The following TGFA variants were observed in gnomAD, a reference collection of about 807,000 sequenced individuals.
TGFA encodes the protein protransforming growth factor alpha.
In TGFA, 12 loss-of-function variants were observed where a neutral mutation model predicts 21.7. The ratio of observed to expected loss-of-function variants is 0.55; its 90% CI spans 0.35 to 0.90. The LOEUF (loss-of-function observed/expected upper bound fraction) is 0.90, where lower values mean the gene tolerates loss of function less well. Ranked by LOEUF, TGFA falls within the 40% of genes least tolerant of loss-of-function variation. The probability of loss-of-function intolerance (pLI) is 0.01; values close to 1 mark genes in which losing one functional copy is unlikely to be tolerated. For missense variants in TGFA, 178 were observed against 210.8 expected (o/e 0.84, Z 0.96); for synonymous variants, 79 against 88.1 (o/e 0.90, Z 0.58).
intron 2 of TGFA, among the ~76,000 whole-genome samples, chr2:70,481,380 T>C (rs1671115345): frequency 1.3e-5 from 2 of 152,226 alleles, no homozygotes; most frequent in African/African-American, 4.8e-5. Flanking sequence ...TAGGAGGTTC[T>C]TCCTTAAACA....
intron 4 of TGFA, among the ~76,000 whole-genome samples, chr2:70,455,759 T>C (rs1463795885): frequency 6.6e-6 from 1 of 152,016 alleles, no homozygotes; most frequent in African/African-American, 2.4e-5. Context: ...GGCAAGCAAA[T>C]GGGGCCAGGA....
At position 70,465,691 on chromosome 2, in the gene TGFA, C is replaced by T; in HGVS notation, c.140G>A (p.Cys47Tyr). 1 of 1,614,154 alleles carries T rather than the reference C, an allele frequency of 6.2e-7. No homozygotes were observed. The highest frequency in any genetic ancestry group is 8.5e-7 in the Non-Finnish European group (1 of 1,180,028). Residue 47 changes from cysteine to tyrosine, a missense_variant, in exon 3 of 6, where the codon TGC becomes TAC. Coordinates refer to ENST00000295400, the MANE Select transcript of TGFA (RefSeq NM_003236.4). ...AAAVVSHFND[C>Y]PDSHTQFCFH... ...GCAGAACTGAGTGTGGGAATCTGGG[C>T]AGTCATTAAAATGGGACACCACTGC...
At chr2:70,467,013 G>A (rs551384180) in intron 2 of TGFA, among the ~76,000 whole-genome samples, 11 of 151,916 alleles carry the variant, frequency 7.2e-5, no homozygotes, top group African/African-American at 2.7e-4. Flanking sequence ...GAGAGTGTGG[G>A]GGGAGTGTTC....
intron 1 of TGFA, among the ~76,000 whole-genome samples, chr2:70,546,341 G>A (rs1416102218): frequency 6.6e-6 from 1 of 151,874 alleles, no homozygotes; most frequent in Non-Finnish European, 1.5e-5. Context: ...TAGATTCAGG[G>A]GTACATGTGC....
At chr2:70,512,783 T>C (rs147336679) in intron 2 of TGFA, among the ~76,000 whole-genome samples, 430 of 152,272 alleles carry the variant, frequency 2.8e-3, no homozygotes, top group African/African-American at 9.4e-3. Context: ...TCTGAATGGA[T>C]GGAGACTTGG....
chr2:70,532,983 T>C, intron 1 of TGFA, among the ~76,000 whole-genome samples: 1 of 151,656 alleles, frequency 6.6e-6, no homozygotes, highest in East Asian at 1.9e-4. Context: ...CACCTCAGTC[T>C]CCCAAGTAGC....
intron 2 of TGFA, among the ~76,000 whole-genome samples, chr2:70,490,675 G>C (rs1219744431): frequency 6.6e-6 from 1 of 152,180 alleles, no homozygotes; most frequent in Admixed American, 6.5e-5. Context: ...AAATAATCAA[G>C]GGGGTATGAA....
intron 1 of TGFA, among the ~76,000 whole-genome samples, chr2:70,529,381 A>G (rs1371802077): frequency 3.9e-5 from 6 of 152,212 alleles, no homozygotes; most frequent in African/African-American, 1.4e-4. Context: ...GAGTAAGGAG[A>G]CACTGTTCCA....
intron 1 of TGFA, among the ~76,000 whole-genome samples, chr2:70,528,122 C>A (rs538993218): frequency 6.6e-6 from 1 of 152,150 alleles, no homozygotes; most frequent in Admixed American, 6.5e-5. Context: ...GGCAGAAGCA[C>A]GCTTATTTCT....
At chr2:70,545,451 A>T (rs1214642097) in intron 1 of TGFA, among the ~76,000 whole-genome samples, 1 of 152,150 alleles carries the variant, frequency 6.6e-6, no homozygotes, top group Non-Finnish European at 1.5e-5. Flanking sequence ...TAGTTGTTTT[A>T]AAAAAACAGA....
At chr2:70,516,109 C>A (rs1356813240) in intron 1 of TGFA, among the ~76,000 whole-genome samples, 1 of 152,216 alleles carries the variant, frequency 6.6e-6, no homozygotes, top group Non-Finnish European at 1.5e-5. Flanking sequence ...GAAGGAACCT[C>A]TTCTGAGTTA....
chr2:70,540,855 G>A (rs1250011184), intron 1 of TGFA, among the ~76,000 whole-genome samples: 1 of 151,984 alleles, frequency 6.6e-6, no homozygotes, highest in Admixed American at 6.6e-5. Flanking sequence ...ATACAAACAG[G>A]TAACTCACAA....
intron 2 of TGFA, chr2:70,468,550 CA>C (rs1442310186): frequency 6.6e-6 from 1 of 152,236 alleles, no homozygotes; most frequent in Non-Finnish European, 1.5e-5. Flanking sequence ...CTCTAGAGGC[CA>C]ATGCAGGCCG....
chr2:70,504,463 T>TATATAC (rs1224115401), intron 2 of TGFA, among the ~76,000 whole-genome samples: 77 of 48,896 alleles, frequency 1.6e-3, no homozygotes, highest in East Asian at 0.014. Flanking sequence ...TATATATATA[T>TATATAC]ACACACATAC....
At chr2:70,497,403 T>C (rs767969419) in intron 2 of TGFA, among the ~76,000 whole-genome samples, 58 of 152,252 alleles carry the variant, frequency 3.8e-4, no homozygotes, top group Non-Finnish European at 6.8e-4. Context: ...TTAAGATTGC[T>C]AAGCATTTCT....
chr2:70,551,706 C>CT lies in TGFA; in HGVS notation c.40+2021dup, dbSNP rs34718507. 1.2e-3 allele frequency among the ~76,000 whole-genome samples: 182 copies of CT among 149,448 alleles called. No individual in the cohort carries two copies. In the East Asian group the frequency reaches 0.016, roughly 13 times the overall value. Reference sequence around the variant, plus strand: ...CCTCACTGGTGTAAATTACTCCTGCCTTTTTTTTTTCTCCACTTTTTTCAA... The same window carrying CT: ...CCTCACTGGTGTAAATTACTCCTGCCTTTTTTTTTTTCTCCACTTTTTTCAA... On this transcript the variant is annotated intron_variant, in intron 1 of 5. Coordinates refer to ENST00000295400, the MANE Select transcript of TGFA (RefSeq NM_003236.4).
intron 5 of TGFA, among the ~76,000 whole-genome samples, chr2:70,451,944 C>A (rs901326849): frequency 6.6e-6 from 1 of 152,166 alleles, no homozygotes; most frequent in African/African-American, 2.4e-5. Flanking sequence ...AGCTGTGGCT[C>A]CTAAATCTCA....
intron 2 of TGFA, among the ~76,000 whole-genome samples, chr2:70,482,851 A>G (rs1671164568): frequency 6.6e-6 from 1 of 152,204 alleles, no homozygotes. Context: ...TCTCAACAGG[A>G]AAGAAGGATA....
chr2:70,472,676 C>T (rs953364221), intron 2 of TGFA, among the ~76,000 whole-genome samples: 1 of 152,170 alleles, frequency 6.6e-6, no homozygotes, highest in South Asian at 2.1e-4. Flanking sequence ...CACCCCTGAG[C>T]GCAATCACCC....
Sources: allele counts gnomAD v4.1 joint callset (sites outside exome capture counted in the v4.1 genomes callset), GRCh38; gene constraint gnomAD v4.1.1; transcripts MANE v1.5; gene names NCBI Gene and HGNC (gene_info 2026-07-23, HGNC 2026-07-21).